The following C2CD3 variants were observed in gnomAD, a reference collection of about 807,000 sequenced individuals.
The protein encoded by C2CD3 is C2 domain containing 3 centriole elongation regulator.
C2CD3 carries 148 observed loss-of-function variants against 234.0 expected under a neutral mutation model. That is an observed-to-expected ratio of 0.63 (90% confidence interval 0.55 to 0.72). The LOEUF is 0.72. C2CD3 is among the 30% of genes least tolerant of loss of function. C2CD3 has a pLI of 0.00. For missense variants in C2CD3, 2,577 were observed against 2,811.5 expected (o/e 0.92, Z 1.89); for synonymous variants, 1,000 against 1,035.4 (o/e 0.97, Z 0.66).
At chr11:74,100,002 A>C (rs1344209140) in intron 15 of C2CD3, among the ~76,000 whole-genome samples, 2 of 152,248 alleles carry the variant, frequency 1.3e-5, no homozygotes, top group African/African-American at 2.4e-5. Context: ...AGTGAGGTGG[A>C]GCAATCAAAT....
chr11:74,167,153 C>T (rs1432036237), intron 2 of C2CD3, among the ~76,000 whole-genome samples: 3 of 152,174 alleles, frequency 2.0e-5, no homozygotes, highest in South Asian at 2.1e-4. Context: ...TGTAAATGTT[C>T]GGATGCCAAG....
intron 25 of C2CD3, among the ~76,000 whole-genome samples, chr11:74,054,917 T>C (rs1020619322): frequency 1.3e-5 from 2 of 151,970 alleles, no homozygotes; most frequent in Non-Finnish European, 2.9e-5. Flanking sequence ...TCCCCACCAC[T>C]CCCAAAGTTT....
intron 20 of C2CD3, among the ~76,000 whole-genome samples, chr11:74,090,604 C>T (rs530644926): frequency 6.6e-6 from 1 of 152,064 alleles, no homozygotes; most frequent in South Asian, 2.1e-4. Flanking sequence ...AATTGTTGGG[C>T]AAGGTCAAGG....
chr11:74,036,287 T>C (rs1168233826), intron 30 of C2CD3: 2 of 335,776 alleles, frequency 6.0e-6, no homozygotes, highest in Non-Finnish European at 1.2e-5. Context: ...GGATTTTTCT[T>C]TGGTTGACTA....
At chr11:74,037,418 G>T in intron 30 of C2CD3, 60 bp downstream of exon 30, 2 of 1,286,724 alleles carry the variant, frequency 1.6e-6, no homozygotes, top group Non-Finnish European at 2.3e-6. Flanking sequence ...ACATTCAAAT[G>T]CTTTTTGAAT....
chr11:74,063,955 T>G (rs1056489172), intron 24 of C2CD3, among the ~76,000 whole-genome samples: 2 of 152,186 alleles, frequency 1.3e-5, no homozygotes, highest in African/African-American at 4.8e-5. Context: ...AATGTGCAGG[T>G]TTGTTACATA....
At chr11:74,065,885 A>G (rs112263047) in intron 24 of C2CD3, among the ~76,000 whole-genome samples, 124 of 108,434 alleles carry the variant, frequency 1.1e-3, no homozygotes, top group East Asian at 6.7e-3. Flanking sequence ...GGACACAGGA[A>G]GGGGAACATC....
chr11:74,126,396 C>G (rs1957415569), intron 7 of C2CD3, among the ~76,000 whole-genome samples: 2 of 151,974 alleles, frequency 1.3e-5, no homozygotes, highest in Admixed American at 1.3e-4. Flanking sequence ...TTTCTTTTTC[C>G]ATAAACAGCT....
chr11:74,054,987 A>G (rs1953888901), intron 25 of C2CD3, among the ~76,000 whole-genome samples: 1 of 152,190 alleles, frequency 6.6e-6, no homozygotes, highest in Non-Finnish European at 1.5e-5. Context: ...TAAGAGTTTT[A>G]CTGGAATGGG....
chr11:74,127,885 C>T (rs977412165), intron 7 of C2CD3, among the ~76,000 whole-genome samples: 6 of 149,772 alleles, frequency 4.0e-5, no homozygotes, highest in Admixed American at 6.6e-5. Flanking sequence ...TTTTTTGAGA[C>T]GGAGTCTCAC....
chr11:74,076,731 A>G (rs1955058503), intron 23 of C2CD3, among the ~76,000 whole-genome samples: 2 of 152,122 alleles, frequency 1.3e-5, no homozygotes, highest in Admixed American at 6.5e-5. Flanking sequence ...ATTCTCCTGT[A>G]CTTTGACCCA....
At chr11:74,022,790 T>C (rs1233711600) in intron 32 of C2CD3, among the ~76,000 whole-genome samples, 4 of 152,220 alleles carry the variant, frequency 2.6e-5, no homozygotes, top group East Asian at 1.9e-4. Context: ...CGGAACTTGA[T>C]TGATTTATAA....
intron 16 of C2CD3, among the ~76,000 whole-genome samples, chr11:74,096,056 G>C (rs1396605185): frequency 6.6e-6 from 1 of 152,178 alleles, no homozygotes; most frequent in Non-Finnish European, 1.5e-5. Flanking sequence ...TGAAGACACT[G>C]TTACTAAAGG....
At chr11:74,107,726 A>G (rs916800815) in intron 12 of C2CD3, 8 of 152,258 alleles carry the variant, frequency 5.3e-5, no homozygotes, top group Non-Finnish European at 1.0e-4. Context: ...TTCATTGGAA[A>G]AAGACAATGC....
chr11:74,156,026 A>G (rs1002169488), intron 3 of C2CD3, among the ~76,000 whole-genome samples: 2 of 152,094 alleles, frequency 1.3e-5, no homozygotes, highest in Non-Finnish European at 2.9e-5. Flanking sequence ...CTGTAATCCC[A>G]GCACTTTGGG....
At chr11:74,041,868 C>G (rs963544035) in intron 29 of C2CD3, among the ~76,000 whole-genome samples, 186 bp downstream of exon 29, 6 of 152,200 alleles carry the variant, frequency 3.9e-5, no homozygotes, top group African/African-American at 1.4e-4. Flanking sequence ...CAAGCTGATA[C>G]AGATTCATCT....
chr11:74,149,432 C>A (rs1205232819), intron 3 of C2CD3, among the ~76,000 whole-genome samples: 1 of 152,062 alleles, frequency 6.6e-6, no homozygotes, highest in Non-Finnish European at 1.5e-5. Context: ...AACTCCTGGG[C>A]TCAAGTGATT....
At chr11:74,142,352 A>T (rs1292544077) in intron 3 of C2CD3, 1 of 152,276 alleles carries the variant, frequency 6.6e-6, no homozygotes, top group Admixed American at 6.5e-5. Context: ...TATCTTTCGG[A>T]ATACAAAGTG....
Position 74,077,829 on chromosome 11 carries a change from ATATATATATATATATATT to A in C2CD3, c.4603+268_4603+285del, listed in dbSNP as rs1205842816. The stretch of plus-strand genomic sequence containing the variant: ...TATATATATATATATATATATATAT[ATATATATATATATATATT>A]ATCTCTTTAGTTACAAGAAGCACTA... On this transcript the variant is annotated intron_variant, in intron 23 of 32. Transcript: ENST00000334126. 2.6e-3 allele frequency among the ~76,000 whole-genome samples: 42 copies of A among 16,010 alleles called. 12 individuals are homozygous for A. The highest frequency in any genetic ancestry group is 5.3e-3 in the African/African-American group (10 of 1,902). The allele number at this position is 16,010 out of a possible 152,430, so 10.5% of individuals were successfully genotyped here.
Sources: gnomAD v4.1 joint callset for allele counts (sites outside exome capture counted in the v4.1 genomes callset) on GRCh38, gnomAD v4.1.1 for gene constraint, MANE v1.5 for transcripts, NCBI Gene and HGNC (gene_info 2026-07-23, HGNC 2026-07-21) for gene names.